Variants in RLF observed in about 807,000 individuals in gnomAD.
The protein encoded by RLF is RLF zinc finger, also known as zinc finger protein Rlf.
A neutral mutation model predicts 162.9 loss-of-function variants in RLF; 7 were observed. That is an observed-to-expected ratio of 0.04 (90% confidence interval 0.02 to 0.08). The LOEUF (loss-of-function observed/expected upper bound fraction) is 0.08, where lower values mean the gene tolerates loss of function less well. Among genes scored for constraint, RLF ranks in the 10% least tolerant of loss-of-function variants. The pLI is 1.00. For synonymous variants in RLF, 782 were observed against 791.5 expected, an observed-to-expected ratio of 0.99 and a Z score of 0.20; for missense variants, 1,664 against 2,244.7, an observed-to-expected ratio of 0.74 and a Z score of 5.23.
At chr1:40,183,677 T>G (rs866315571) in intron 1 of RLF, among the ~76,000 whole-genome samples, 1 of 151,934 alleles carries the variant, frequency 6.6e-6, no homozygotes, top group Admixed American at 6.6e-5. Context: ...CTAGTTCAAA[T>G]CCTGAATCTA....
chr1:40,206,331 A>G (rs962302212), intron 5 of RLF, among the ~76,000 whole-genome samples: 4 of 152,214 alleles, frequency 2.6e-5, no homozygotes, highest in African/African-American at 7.2e-5. Flanking sequence ...TCAAGGTTAC[A>G]AAGCTAAAGT....
chr1:40,201,996 C>T (rs1487396419), intron 4 of RLF, among the ~76,000 whole-genome samples: 4 of 152,040 alleles, frequency 2.6e-5, no homozygotes, highest in African/African-American at 7.2e-5. Context: ...GGAAAGAGCA[C>T]CACTGGCTTT....
intron 6 of RLF, among the ~76,000 whole-genome samples, chr1:40,225,661 G>A (rs566703167): frequency 1.3e-5 from 2 of 151,352 alleles, no homozygotes; most frequent in Middle Eastern, 3.4e-3. Flanking sequence ...CAGATCACAA[G>A]GTCAGGAGAT....
intron 5 of RLF, among the ~76,000 whole-genome samples, chr1:40,213,258 G>A (rs1033360748): frequency 6.6e-6 from 1 of 152,182 alleles, no homozygotes; most frequent in Non-Finnish European, 1.5e-5. Flanking sequence ...TCTCACTTCT[G>A]ATCTTACTTT....
In RLF at chr1:40,224,306, CT is replaced by C. The variant is rs869123049; in HGVS notation, c.947+1616del. 8.4e-3 allele frequency among the ~76,000 whole-genome samples: 1,069 copies of C among 127,946 alleles called. 5 individuals are homozygous for C. The highest frequency in any genetic ancestry group is 0.023 in the African/African-American group (805 of 34,876). The allele number at this position is 127,946 out of a possible 152,430, so 83.9% of individuals were successfully genotyped here. ...CAAGCAATTCAAGGAGCAATTGCAT[CT>C]TTTTTTTTTTTTTTTTTTTGAGACG... On this transcript the variant is annotated intron_variant, in intron 6 of 7. Coordinates refer to ENST00000372771, the MANE Select transcript of RLF (RefSeq NM_012421.4).
At chr1:40,183,358 G>C (rs1447144328) in intron 1 of RLF, among the ~76,000 whole-genome samples, 1 of 152,132 alleles carries the variant, frequency 6.6e-6, no homozygotes, top group East Asian at 1.9e-4. Flanking sequence ...AGAACATACA[G>C]CTTTAAAAAG....
intron 5 of RLF, 77 bp from the exon 6 acceptor site, chr1:40,222,494 TAAG>T (rs1255751405): frequency 7.0e-7 from 1 of 1,421,830 alleles, no homozygotes; most frequent in African/African-American, 1.4e-5. Flanking sequence ...TTTGCCTCAT[TAAG>T]AAGTTTCACC....
chr1:40,234,186 G>A (rs997251987), intron 7 of RLF, among the ~76,000 whole-genome samples: 8 of 152,188 alleles, frequency 5.3e-5, no homozygotes, highest in African/African-American at 1.7e-4. Context: ...CATGCCTCAA[G>A]TGATGTGCCT....
chr1:40,206,570 A>C (rs1029921979), intron 5 of RLF, among the ~76,000 whole-genome samples: 1 of 152,174 alleles, frequency 6.6e-6, no homozygotes, highest in Non-Finnish European at 1.5e-5. Context: ...TAATCTCTCT[A>C]AAACTTGTCG....
At chr1:40,202,288 C>T in intron 4 of RLF, 124 bp from the exon 5 acceptor site, 1 of 644,814 alleles carries the variant, frequency 1.6e-6, no homozygotes, top group East Asian at 3.0e-5. Context: ...GTAAACTTCT[C>T]ATTTATATAA....
At chr1:40,192,190 C>T (rs1260511328) in intron 3 of RLF, among the ~76,000 whole-genome samples, 1 of 152,200 alleles carries the variant, frequency 6.6e-6, no homozygotes, top group Admixed American at 6.5e-5. Flanking sequence ...CTGCTAAAAT[C>T]ATCTTTCATG....
At chr1:40,177,490 T>C (rs1642343619) in intron 1 of RLF, among the ~76,000 whole-genome samples, 1 of 151,908 alleles carries the variant, frequency 6.6e-6, no homozygotes, top group African/African-American at 2.4e-5. Flanking sequence ...AGACGGGGTT[T>C]CATGGTGTTA....
At chr1:40,164,793 A>G (rs962282076) in intron 1 of RLF, among the ~76,000 whole-genome samples, 2 of 152,186 alleles carry the variant, frequency 1.3e-5, no homozygotes, top group African/African-American at 2.4e-5. Context: ...TTACACTTTG[A>G]GAATACTGGG....
At chr1:40,221,704 T>C (rs1336289355) in intron 5 of RLF, among the ~76,000 whole-genome samples, 1 of 151,594 alleles carries the variant, frequency 6.6e-6, no homozygotes, top group Non-Finnish European at 1.5e-5. Context: ...ATTGAGACCA[T>C]CCTGGCTAAC....
At position 40,222,655 on chromosome 1, in the gene RLF, C is replaced by T. The variant is rs1367753787; in HGVS notation, c.892C>T (p.Leu298Phe). 6.2e-7 allele frequency: 1 copy of T among 1,613,266 alleles called. No homozygotes were observed. Among genetic ancestry groups the T allele is most frequent in the African/African-American group, 1.3e-5 (1 of 74,886 alleles). Residue 298 changes from leucine (L) to phenylalanine (F), a missense_variant, in exon 6 of 8, where the codon CTT (leucine) becomes TTT (phenylalanine). Leu to Phe is a conservative substitution (Grantham distance 22). Coordinates refer to ENST00000372771, the MANE Select transcript of RLF (RefSeq NM_012421.4). ...GGGGCAGGATAACACAGCATTTGTT[C>T]TTTGTACGACTTACCTTACCCAGCA... ...SEGQDNTAFV[L>F]CTTYLTQQLQ...
chr1:40,181,942 G>A (rs1026159443), intron 1 of RLF, among the ~76,000 whole-genome samples: 4 of 152,106 alleles, frequency 2.6e-5, no homozygotes, highest in Non-Finnish European at 5.9e-5. Flanking sequence ...TAGTGTTAGA[G>A]GGGTGTTCAT....
intron 4 of RLF, among the ~76,000 whole-genome samples, chr1:40,197,779 G>C (rs1170307206): frequency 6.6e-6 from 1 of 152,170 alleles, no homozygotes; most frequent in East Asian, 1.9e-4. Context: ...CATGTAGCCT[G>C]CCTCCTTTCA....
chr1:40,173,015 A>G (rs549045664), intron 1 of RLF, among the ~76,000 whole-genome samples: 12 of 151,644 alleles, frequency 7.9e-5, no homozygotes, highest in African/African-American at 2.9e-4. Flanking sequence ...ATATTTGACA[A>G]TCTGATAGGA....
At chr1:40,187,115 T>G (rs974140329) in intron 1 of RLF, among the ~76,000 whole-genome samples, 2 of 151,962 alleles carry the variant, frequency 1.3e-5, no homozygotes, top group African/African-American at 4.8e-5. Flanking sequence ...CACTGCAACC[T>G]CCGCCTCCCA....
Sources: allele counts gnomAD v4.1 joint callset (sites outside exome capture counted in the v4.1 genomes callset), GRCh38; gene constraint gnomAD v4.1.1; transcripts MANE v1.5; gene names NCBI Gene and HGNC (gene_info 2026-07-23, HGNC 2026-07-21).